Variants in XPR1 observed in about 807,000 individuals in gnomAD.
The protein encoded by XPR1 is xenotropic and polytropic retrovirus receptor 1.
A neutral mutation model predicts 87.5 loss-of-function variants in XPR1; 28 were observed. The observed-to-expected ratio is 0.32, with a 90% CI of 0.24 to 0.44. The LOEUF (loss-of-function observed/expected upper bound fraction) is 0.44, where lower values mean the gene tolerates loss of function less well. Among genes scored for constraint, XPR1 ranks in the 20% least tolerant of loss-of-function variants. The probability of loss-of-function intolerance (pLI) is 1.00; values close to 1 mark genes in which losing one functional copy is unlikely to be tolerated. For synonymous variants in XPR1, 300 were observed against 306.1 expected (o/e 0.98, Z 0.21); for missense variants, 559 against 862.3 (o/e 0.65, Z 4.41).
Position 180,632,306 on chromosome 1 carries a change from G to A in XPR1, c.69+36G>A, listed in dbSNP as rs769040337. 4.4e-5 allele frequency: 70 copies of A among 1,596,960 alleles called. 2 individuals are homozygous for A. In the South Asian group the frequency reaches 7.9e-4, roughly 18 times the overall value. On this transcript the variant is annotated intron_variant, in intron 1 of 14. Coordinates refer to ENST00000367590, the MANE Select transcript of XPR1 (RefSeq NM_004736.4). ...GGCTGGGGTGTGGGAGGACTCGGAG[G>A]GGCCACCATCTCGCCAGTCCTGACG... is the stretch of plus-strand genomic sequence containing the variant.
chr1:180,880,348 T>G (rs1433646407), intron 14 of XPR1, 51 bp downstream of exon 14: 2 of 1,601,494 alleles, frequency 1.2e-6, no homozygotes, highest in Admixed American at 1.7e-5. Flanking sequence ...AGTTTTAGCA[T>G]TGGGTAGCAT....
At position 180,837,779 on chromosome 1, in the gene XPR1, C is replaced by T. The variant is rs189401377; in HGVS notation, c.1501+1063C>T. 2.8e-4 allele frequency among the ~76,000 whole-genome samples: 42 copies of T among 152,214 alleles called. No individual in the cohort carries two copies. In the East Asian group the frequency reaches 8.1e-3, roughly 29 times the overall value. The stretch of plus-strand genomic sequence containing the variant: ...AAAGTTCCCATAATTTTAACTCATA[C>T]TGTGGAATGCTGTTGTTAAGTCCAG... On this transcript the variant is annotated intron_variant, in intron 11 of 14. Coordinates refer to ENST00000367590, the MANE Select transcript of XPR1 (RefSeq NM_004736.4).
rs187237013 is a variant in XPR1 at position 180,885,751 on chromosome 1, C to T, written c.*1685C>T. On this transcript the variant is annotated 3_prime_UTR_variant, in exon 15 of 15. Coordinates refer to ENST00000367590, the MANE Select transcript of XPR1 (RefSeq NM_004736.4). Reference sequence around the variant, plus strand: ...AAGTGGAAGGGCAGCTATTACCATTCGCTTAGTCAAAACATTCGGTTACTG... The same window carrying T: ...AAGTGGAAGGGCAGCTATTACCATTTGCTTAGTCAAAACATTCGGTTACTG... 2.6e-5 allele frequency: 4 copies of T among 152,290 alleles called. No individual in the cohort carries two copies. The highest frequency in any genetic ancestry group is 2.1e-4 in the South Asian group (1 of 4,818). The allele number at this position is 152,290 out of a possible 1,614,324, so 9.4% of individuals were successfully genotyped here.
chr1:180,711,149 C>T lies in XPR1; in HGVS notation c.121+28738C>T, dbSNP rs1281239432. ...CCCAGACGGGGCGGCGGGGCAGAGG[C>T]GCTCCCCACATCTCAGACGATGGGC... On this transcript the variant is annotated intron_variant, in intron 2 of 14. Transcript: ENST00000367590. 1.4e-3 allele frequency among the ~76,000 whole-genome samples: 209 copies of T among 149,938 alleles called. 1 individual carries two copies. Among genetic ancestry groups the T allele is most frequent in the Non-Finnish European group, 2.2e-3 (149 of 67,430 alleles).
chr1:180,725,095 G>A (rs1658292471), intron 2 of XPR1, among the ~76,000 whole-genome samples: 2 of 152,136 alleles, frequency 1.3e-5, no homozygotes, highest in Admixed American at 6.5e-5. Context: ...TAAAGGTATC[G>A]TACACATTCA....
At chr1:180,661,519 G>GTGTGT (rs1655779587) in intron 1 of XPR1, among the ~76,000 whole-genome samples, 2 of 122,620 alleles carry the variant, frequency 1.6e-5, no homozygotes, top group African/African-American at 6.2e-5. Context: ...GTGTGTGTGT[G>GTGTGT]GTATGTTTTT....
At chr1:180,681,668 T>A (rs1029729986) in intron 1 of XPR1, among the ~76,000 whole-genome samples, 2 of 152,124 alleles carry the variant, frequency 1.3e-5, no homozygotes, top group African/African-American at 4.8e-5. Context: ...AATTTCTTTT[T>A]AAAATTTATT....
chr1:180,668,274 A>G lies in XPR1; in HGVS notation c.70-14086A>G, dbSNP rs148410209. ...CTCCCAAGTAGTTGGGATTACAAGC[A>G]TATGCCACCACGTCTGGCTAATTTG... On this transcript the variant is annotated intron_variant, in intron 1 of 14. Coordinates refer to ENST00000367590, the MANE Select transcript of XPR1 (RefSeq NM_004736.4). Among the ~76,000 whole-genome samples, 492 of 151,858 alleles carry G rather than the reference A, an allele frequency of 3.2e-3. 3 individuals are homozygous for G. The highest frequency in any genetic ancestry group is 0.011 in the African/African-American group (467 of 41,418).
intron 9 of XPR1, among the ~76,000 whole-genome samples, chr1:180,832,690 A>C (rs537271020): frequency 1.9e-3 from 292 of 152,214 alleles, no homozygotes; most frequent in Non-Finnish European, 1.5e-3. Context: ...TCAAAGATCA[A>C]ATGGTTGTGG....
At chr1:180,773,062 C>T (rs1414641349) in intron 2 of XPR1, among the ~76,000 whole-genome samples, 1 of 152,044 alleles carries the variant, frequency 6.6e-6, no homozygotes, top group Admixed American at 6.6e-5. Flanking sequence ...ACCTGATATT[C>T]CTTGTATCAA....
At chr1:180,694,481 G>T (rs1482226838) in intron 2 of XPR1, among the ~76,000 whole-genome samples, 1 of 151,980 alleles carries the variant, frequency 6.6e-6, no homozygotes, top group African/African-American at 2.4e-5. Context: ...ATATAGTAAA[G>T]GACCATTTAT....
chr1:180,757,734 G>C (rs1647805404), intron 2 of XPR1, among the ~76,000 whole-genome samples: 1 of 151,738 alleles, frequency 6.6e-6, no homozygotes, highest in Non-Finnish European at 1.5e-5. Context: ...TGCCCAGGCT[G>C]ATCTAAAACT....
intron 11 of XPR1, among the ~76,000 whole-genome samples, chr1:180,855,879 G>C (rs1420733015): frequency 6.6e-6 from 1 of 151,996 alleles, no homozygotes; most frequent in Non-Finnish European, 1.5e-5. Flanking sequence ...ATTTTCCCCA[G>C]TCTAAAGTAA....
chr1:180,766,004 A>T (rs1648268939), intron 2 of XPR1, among the ~76,000 whole-genome samples: 1 of 152,188 alleles, frequency 6.6e-6, no homozygotes, highest in Non-Finnish European at 1.5e-5. Flanking sequence ...ACACCGAGAT[A>T]TATAGAGTTT....
chr1:180,659,280 T>C (rs986643399), intron 1 of XPR1, among the ~76,000 whole-genome samples: 1 of 117,046 alleles, frequency 8.5e-6, no homozygotes, highest in African/African-American at 3.3e-5. Context: ...CTCCCTCCCT[T>C]CTTTCCCATC....
In XPR1 at chr1:180,766,319, A is replaced by G. The variant is rs1195213969; in HGVS notation, c.122-21434A>G. ...TTGAAATTAATATTAGCAAGAATGA[A>G]GATAGTTTTGGTAAATCACATTACT... On this transcript the variant is annotated intron_variant, in intron 2 of 14. Coordinates refer to ENST00000367590, the MANE Select transcript of XPR1 (RefSeq NM_004736.4). Among the ~76,000 whole-genome samples, 5 of 152,176 alleles carry G rather than the reference A, an allele frequency of 3.3e-5. 1 individual carries two copies. The highest frequency in any genetic ancestry group is 1.2e-4 in the African/African-American group (5 of 41,454).
rs575659830 is a variant in XPR1 at position 180,663,503 on chromosome 1, C to A, written c.70-18857C>A. ...TTTGTCCTAGATAAACAGAGTTTAT[C>A]TTTCTGTGCTGAGGTGCCTGGAGCT... On this transcript the variant is annotated intron_variant, in intron 1 of 14. Coordinates refer to ENST00000367590, the MANE Select transcript of XPR1 (RefSeq NM_004736.4). Among the ~76,000 whole-genome samples, 36 of 152,298 alleles carry A rather than the reference C, an allele frequency of 2.4e-4. No homozygotes were observed. The South Asian group carries it at 7.1e-3, about 30-fold the overall frequency.
At chr1:180,799,481 C>T (rs1649704834) in intron 3 of XPR1, among the ~76,000 whole-genome samples, 1 of 152,204 alleles carries the variant, frequency 6.6e-6, no homozygotes, top group African/African-American at 2.4e-5. Context: ...TCTTCCATGG[C>T]TATGAGCCCA....
chr1:180,810,779 A>G (rs1029552234), intron 6 of XPR1, among the ~76,000 whole-genome samples: 13 of 151,526 alleles, frequency 8.6e-5, no homozygotes, highest in South Asian at 8.3e-4. Flanking sequence ...ACTCATATGT[A>G]TATATATATG....
Sources: gnomAD v4.1 joint callset for allele counts (sites outside exome capture counted in the v4.1 genomes callset) on GRCh38, gnomAD v4.1.1 for gene constraint, MANE v1.5 for transcripts, NCBI Gene and HGNC (gene_info 2026-07-23, HGNC 2026-07-21) for gene names.